The following PTPRG variants were observed in gnomAD, a reference collection of about 807,000 sequenced individuals.
The protein encoded by PTPRG is receptor-type tyrosine-protein phosphatase gamma.
A neutral mutation model predicts 165.3 loss-of-function variants in PTPRG; 102 were observed. The ratio of observed to expected loss-of-function variants is 0.62; its 90% confidence interval spans 0.53 to 0.73. The LOEUF (loss-of-function observed/expected upper bound fraction) is 0.73. PTPRG is among the 30% of genes least tolerant of loss of function. The pLI is 0.00. For synonymous variants in PTPRG, 675 were observed against 669.5 expected, an observed-to-expected ratio of 1.01 and a Z score of -0.13; for missense variants, 1,866 against 1,861.4, an observed-to-expected ratio of 1.00 and a Z score of -0.05.
intron 20 of PTPRG, among the ~76,000 whole-genome samples, chr3:62,270,767 T>C (rs937064808): frequency 6.6e-6 from 1 of 152,138 alleles, no homozygotes; most frequent in African/African-American, 2.4e-5. Flanking sequence ...TAGCAAATAA[T>C]CTATTTGGGG....
At chr3:61,744,352 C>A (rs974913957) in intron 1 of PTPRG, among the ~76,000 whole-genome samples, 1 of 152,134 alleles carries the variant, frequency 6.6e-6, no homozygotes, top group Admixed American at 6.5e-5. Flanking sequence ...GTTGTGCGAA[C>A]ATCATAGAGT....
intron 2 of PTPRG, chr3:61,770,515 G>A (rs1441747372): frequency 1.3e-5 from 2 of 152,108 alleles, no homozygotes; most frequent in African/African-American, 4.8e-5. Context: ...ATACACAAGT[G>A]TATATATATT....
At chr3:62,178,754 C>T (rs959542784) in intron 8 of PTPRG, among the ~76,000 whole-genome samples, 1 of 152,230 alleles carries the variant, frequency 6.6e-6, no homozygotes, top group African/African-American at 2.4e-5. Context: ...TCCTCTCCAT[C>T]TCTAGGCAGG....
At chr3:61,740,058 A>C (rs905530248) in intron 1 of PTPRG, among the ~76,000 whole-genome samples, 4 of 152,192 alleles carry the variant, frequency 2.6e-5, no homozygotes, top group Non-Finnish European at 5.9e-5. Flanking sequence ...CGTGTTCAGC[A>C]TGGTGGCCAC....
intron 1 of PTPRG, among the ~76,000 whole-genome samples, chr3:61,663,853 C>T (rs1219446818): frequency 5.3e-5 from 8 of 152,278 alleles, no homozygotes; most frequent in Non-Finnish European, 7.4e-5. Flanking sequence ...TACCACTGAT[C>T]TGACAGGCGG....
chr3:62,029,953 G>A (rs1699708521), intron 4 of PTPRG, among the ~76,000 whole-genome samples: 1 of 152,094 alleles, frequency 6.6e-6, no homozygotes, highest in African/African-American at 2.4e-5. Flanking sequence ...TTCTGACTCT[G>A]GTTGAATGAC....
rs868434246 is a variant in PTPRG, at chr3:61,797,586, C to A, written c.190+48604C>A. Among the ~76,000 whole-genome samples the A allele has an allele frequency of 6.5e-3, 661 of 102,374 alleles. 11 individuals are homozygous for A. The highest frequency in any genetic ancestry group is 0.032 in the African/African-American group (626 of 19,438). 67.2% of individuals were successfully genotyped at this position (102,374 alleles called of 152,430 possible). A position where few individuals can be genotyped will look rare whatever the true frequency, so the allele number is the denominator to read the frequency against. On this transcript the variant is annotated intron_variant, in intron 2 of 29. Transcript: ENST00000474889. ...CTGGAGTCATTTATCTCCACACCCC[C>A]CCCCACCCCCCCACCTCCCGCCTTC... is the stretch of plus-strand genomic sequence containing the variant.
At chr3:62,033,536 C>T (rs1252360349) in intron 4 of PTPRG, among the ~76,000 whole-genome samples, 1 of 145,410 alleles carries the variant, frequency 6.9e-6, no homozygotes, top group African/African-American at 2.5e-5. Flanking sequence ...ATCTTCCCCC[C>T]CCCACCCCCC....
At chr3:62,034,681 C>T (rs562398610) in intron 4 of PTPRG, among the ~76,000 whole-genome samples, 5 of 152,316 alleles carry the variant, frequency 3.3e-5, no homozygotes, top group East Asian at 3.9e-4. Flanking sequence ...GGCATTACAA[C>T]GGTACCAAGT....
At chr3:62,267,922 A>G in intron 19 of PTPRG, 103 bp downstream of exon 19, 1 of 1,345,316 alleles carries the variant, frequency 7.4e-7, no homozygotes, top group East Asian at 2.3e-5. Context: ...ATAAAGAGTT[A>G]CGGAAATGAA....
chr3:62,020,449 C>G (rs1401267410), intron 4 of PTPRG, among the ~76,000 whole-genome samples: 1 of 152,146 alleles, frequency 6.6e-6, no homozygotes, highest in Admixed American at 6.5e-5. Flanking sequence ...TGTTTATGGT[C>G]TTTTGATTAT....
chr3:61,599,123 A>G (rs1346085910), intron 1 of PTPRG, among the ~76,000 whole-genome samples: 1 of 152,232 alleles, frequency 6.6e-6, no homozygotes, highest in African/African-American at 2.4e-5. Context: ...ATTTGGAATT[A>G]GCACCTACTG....
At chr3:61,805,553 C>CAAAAAAAAAAAAAAA (rs2035388867) in intron 2 of PTPRG, among the ~76,000 whole-genome samples, 1 of 115,474 alleles carries the variant, frequency 8.7e-6, no homozygotes, top group African/African-American at 3.4e-5. Flanking sequence ...AAAAAAAAAT[C>CAAAAAAAAAAAAAAA]AAAGTGCCCC....
At chr3:61,978,911 T>C (rs2040571464) in intron 2 of PTPRG, among the ~76,000 whole-genome samples, 1 of 152,190 alleles carries the variant, frequency 6.6e-6, no homozygotes, top group East Asian at 1.9e-4. Context: ...CCCGTAGATC[T>C]GGAATTGACT....
At chr3:61,942,728 G>A (rs879628833) in intron 2 of PTPRG, among the ~76,000 whole-genome samples, 6 of 152,172 alleles carry the variant, frequency 3.9e-5, no homozygotes, top group Non-Finnish European at 8.8e-5. Flanking sequence ...TTACATTTAT[G>A]TTTACTGTAA....
At chr3:61,686,089 G>C (rs1703624289) in intron 1 of PTPRG, among the ~76,000 whole-genome samples, 1 of 152,160 alleles carries the variant, frequency 6.6e-6, no homozygotes, top group Non-Finnish European at 1.5e-5. Context: ...GTCTTGCGTG[G>C]GGAGGGACTT....
chr3:62,008,003 G>A (rs2107732349), intron 4 of PTPRG, among the ~76,000 whole-genome samples: 1 of 152,304 alleles, frequency 6.6e-6, no homozygotes, highest in Admixed American at 6.5e-5. Context: ...GAATATTCCA[G>A]TCATTAAAAC....
intron 27 of PTPRG, among the ~76,000 whole-genome samples, 170 bp from the exon 28 acceptor site, chr3:62,282,557 A>C (rs537536409): frequency 1.6e-4 from 25 of 151,674 alleles, no homozygotes; most frequent in Admixed American, 7.9e-4. Flanking sequence ...AAAAAAACAA[A>C]AAAAAAAAAC....
chr3:61,999,095 G>A (rs139601828), intron 3 of PTPRG, among the ~76,000 whole-genome samples: 16 of 152,184 alleles, frequency 1.1e-4, no homozygotes, highest in Non-Finnish European at 2.4e-4. Context: ...CACCTAGGCT[G>A]GAGTGCAGTG....
Sources: allele counts gnomAD v4.1 joint callset (sites outside exome capture counted in the v4.1 genomes callset), GRCh38; gene constraint gnomAD v4.1.1; transcripts MANE v1.5; gene names NCBI Gene and HGNC (gene_info 2026-07-23, HGNC 2026-07-21).